The following CARD8 variants were observed in gnomAD, a reference collection of about 807,000 sequenced individuals.
The protein encoded by CARD8 is caspase recruitment domain-containing protein 8.
In CARD8, 38 loss-of-function variants were observed where a neutral mutation model predicts 53.2. The ratio of observed to expected loss-of-function variants is 0.71; its 90% CI spans 0.55 to 0.94. The LOEUF is 0.94. CARD8 is among the 40% of genes least tolerant of loss of function. The pLI, the probability that CARD8 is intolerant of heterozygous loss-of-function variation, is 0.00. For missense variants in CARD8, 561 were observed against 655.5 expected (o/e 0.86, Z 1.57); for synonymous variants, 245 against 244.9 (o/e 1.00, Z 0.00).
chr19:48,254,424 T>C (rs746421638), intron 1 of CARD8, among the ~76,000 whole-genome samples: 8 of 152,062 alleles, frequency 5.3e-5, no homozygotes, highest in Non-Finnish European at 1.2e-4. Context: ...CAGAACACAA[T>C]GACATTGGAA....
At chr19:48,225,983 A>AAG (rs2041695452) in intron 10 of CARD8, among the ~76,000 whole-genome samples, 1 of 148,380 alleles carries the variant, frequency 6.7e-6, no homozygotes, top group African/African-American at 2.5e-5. Flanking sequence ...AACCTGGGAG[A>AAG]CGGAGGTTGC....
At chr19:48,215,219 T>C (rs1600101949) in intron 13 of CARD8, 121 bp downstream of exon 13, 1 of 701,416 alleles carries the variant, frequency 1.4e-6, no homozygotes, top group East Asian at 2.8e-5. Flanking sequence ...GCTGCAGACC[T>C]ATACGGATTT....
At chr19:48,222,987 G>A (rs2040986373) in intron 10 of CARD8, among the ~76,000 whole-genome samples, 2 of 152,100 alleles carry the variant, frequency 1.3e-5, no homozygotes, top group African/African-American at 4.8e-5. Context: ...AAATTATGAA[G>A]CAATAAATTA....
intron 3 of CARD8, among the ~76,000 whole-genome samples, chr19:48,242,185 G>A (rs949926248): frequency 2.0e-5 from 3 of 152,128 alleles, no homozygotes; most frequent in African/African-American, 7.2e-5. Context: ...GAGGTGATGA[G>A]GTCATGAGGG....
At position 48,230,462 on chromosome 19, in the gene CARD8, G is replaced by A. The variant is rs755689174; in HGVS notation, c.1011C>T (p.Val337=). The part of the protein sequence containing the change: ...PEDIKFHLYL[V]PSDALLTKAI... ...CCTTTGTTAGCAAGGCGTCGCTGGG[G>A]ACAAGGTACAAGTGGAACTTAATAT... is the stretch of plus-strand genomic sequence containing the variant. Residue 337 remains valine, a synonymous_variant, in exon 10 of 14, where the codon GTC becomes GTT. Transcript: ENST00000651546. 1.9e-6 allele frequency: 3 copies of A among 1,611,118 alleles called. No individual in the cohort carries two copies. Among genetic ancestry groups the A allele is most frequent in the Non-Finnish European group, 2.5e-6 (3 of 1,178,088 alleles).
chr19:48,206,498 G>C, downstream of CARD8: 1 of 461,742 alleles, frequency 2.2e-6, no homozygotes, highest in Non-Finnish European at 4.4e-6. Context: ...AGATTGGGCA[G>C]CATCCAGGCC....
chr19:48,232,977 T>C (rs553821525), intron 6 of CARD8: 11 of 358,974 alleles, frequency 3.1e-5, no homozygotes, highest in Middle Eastern at 2.0e-3. Flanking sequence ...ATTGGTATCA[T>C]ACGATGTCGG....
At position 48,226,053 on chromosome 19, in the gene CARD8, C is replaced by CAAA. The variant is rs35050640; in HGVS notation, c.1036-4201_1036-4199dup. Among the ~76,000 whole-genome samples the CAAA allele has an allele frequency of 1.2e-3, 97 of 78,418 alleles. 3 individuals carry two copies. Among genetic ancestry groups the CAAA allele is most frequent in the Admixed American group, 3.6e-3 (26 of 7,174 alleles). 51.4% of individuals were successfully genotyped at this position (78,418 alleles called of 152,430 possible). On this transcript the variant is annotated intron_variant, in intron 10 of 13. Transcript: ENST00000651546. ...TGGGGGACACAGCAAGACTCCGTCT[C>CAAA]AAAAAAAAAAAAAAAAAAAGCCATG... is the stretch of plus-strand genomic sequence containing the variant.
At chr19:48,207,724 T>TTTTTC, downstream of CARD8, among the ~76,000 whole-genome samples, 6 of 119,278 alleles carry the variant, frequency 5.0e-5, no homozygotes, top group Non-Finnish European at 8.7e-5. Context: ...TTTTTTATTG[T>TTTTTC]TGTTTTTCTG....
chr19:48,244,206 T>C (rs1179100841), intron 3 of CARD8, among the ~76,000 whole-genome samples: 1 of 152,096 alleles, frequency 6.6e-6, no homozygotes, highest in Non-Finnish European at 1.5e-5. Context: ...AAGGCAAGAA[T>C]TGTAAAATTC....
Position 48,209,190 on chromosome 19 carries a change from T to A in CARD8, c.*2520A>T, listed in dbSNP as rs4802443. Reference sequence around the variant, plus strand: ...TGCATGCCTGTAATCCCAGCTACTCTGGAGGCTGAGGCACAATAATCGCTT... The same window carrying A: ...TGCATGCCTGTAATCCCAGCTACTCAGGAGGCTGAGGCACAATAATCGCTT... On this transcript the variant is annotated 3_prime_UTR_variant, in exon 14 of 14. Coordinates refer to ENST00000651546, the MANE Select transcript of CARD8 (RefSeq NM_001184900.3). The A allele has an allele frequency of 0.82, 123,131 of 150,930 alleles. 51,160 individuals carry two copies. The highest frequency in any genetic ancestry group is 0.91 in the South Asian group (4,361 of 4,786). 9.3% of individuals were successfully genotyped at this position (150,930 alleles called of 1,614,324 possible).
chr19:48,238,152 G>C, intron 5 of CARD8: 1 of 597,692 alleles, frequency 1.7e-6, no homozygotes. Flanking sequence ...TCGCCTCCCA[G>C]TGTGCTGAGA....
At position 48,232,896 on chromosome 19, in the gene CARD8, T is replaced by C. The variant is rs189214229; in HGVS notation, c.351-403A>G. The C allele has an allele frequency of 8.6e-4, 357 of 415,018 alleles. 2 individuals are homozygous for C. Among genetic ancestry groups the C allele is most frequent in the South Asian group, 5.3e-3 (295 of 55,310 alleles). 25.7% of individuals were successfully genotyped at this position (415,018 alleles called of 1,614,324 possible). A position where few individuals can be genotyped will look rare whatever the true frequency, so the allele number is the denominator to read the frequency against. ...CCAAATGTGTCTTGACATCTCTCCT[T>C]CTTCTCTTTGTATTATGCCCACGTT... On this transcript the variant is annotated intron_variant, in intron 6 of 13. Transcript: ENST00000651546.
rs2037495007 is a variant in CARD8 at position 48,208,150 on chromosome 19, T to C, written c.*3560A>G. 6.6e-6 allele frequency: 1 copy of C among 152,204 alleles called. No homozygotes were observed. The highest frequency in any genetic ancestry group is 6.6e-5 in the Admixed American group (1 of 15,266). 9.4% of individuals were successfully genotyped at this position (152,204 alleles called of 1,614,324 possible). A position where few individuals can be genotyped will look rare whatever the true frequency, so the allele number is the denominator to read the frequency against. On this transcript the variant is annotated 3_prime_UTR_variant, in exon 14 of 14. Transcript: ENST00000651546. ...TATTTTTGTAAATTTATGAAGTACA[T>C]TCTTCAAATGTAACAATTTAGTTCT...
At chr19:48,205,123 G>A (rs12984955), downstream of CARD8, among the ~76,000 whole-genome samples, 2,827 of 152,256 alleles carry the variant, frequency 0.019, 45 homozygotes, top group Middle Eastern at 0.061. Context: ...AGGAAAAGTC[G>A]GAGTGTTGAA....
intron 5 of CARD8, among the ~76,000 whole-genome samples, chr19:48,236,150 G>A (rs1001397166): frequency 4.6e-5 from 7 of 152,214 alleles, no homozygotes; most frequent in African/African-American, 1.7e-4. Flanking sequence ...AACCTCTGCT[G>A]TAGTCCAGTT....
In CARD8 at chr19:48,211,933, C is replaced by A. The variant is rs1413699040; in HGVS notation, c.1391G>T (p.Arg464Met). 1.2e-6 allele frequency: 2 copies of A among 1,614,136 alleles called. No homozygotes were observed. Among genetic ancestry groups the A allele is most frequent in the East Asian group, 2.2e-5 (1 of 44,880 alleles). The change falls in exon 14 of 14, where the codon AGG becomes ATG. Residue 464 changes from arginine (R) to methionine (M), a missense_variant. Physicochemically the swap from Arg to Met is moderately conservative, Grantham distance 91 (BLOSUM62 -1). Coordinates refer to ENST00000651546, the MANE Select transcript of CARD8 (RefSeq NM_001184900.3). The part of the protein sequence containing the change: ...VKENHRQLQA[R>M]MGDLKGVLDD... The stretch of plus-strand genomic sequence containing the variant: ...GAGCACCCCTTTCAGGTCCCCCATC[C>A]TGGCTTGGAGTTGCCGGTGGTTCTC...
chr19:48,248,019 T>C (rs1033517945), intron 3 of CARD8, among the ~76,000 whole-genome samples: 1 of 152,216 alleles, frequency 6.6e-6, no homozygotes, highest in Non-Finnish European at 1.5e-5. Flanking sequence ...CGGTTTACTT[T>C]TATTTTAGAA....
rs774740059 is a variant in CARD8 at position 48,230,455 on chromosome 19, C to T, written c.1018G>A (p.Asp340Asn). The T allele has an allele frequency of 9.3e-6, 15 of 1,607,750 alleles. No homozygotes were observed. Among genetic ancestry groups the T allele is most frequent in the Admixed American group, 5.0e-5 (3 of 59,426 alleles). The change falls in exon 10 of 14, where the codon GAC becomes AAC. Residue 340 changes from aspartate (D) to asparagine (N), a missense_variant. Physicochemically the swap from Asp to Asn is conservative, Grantham distance 23 (BLOSUM62 1). Transcript: ENST00000651546. ...IKFHLYLVPS[D>N]ALLTKAIDDE... is the part of the protein sequence containing the mutation. ...CAGCTTACCTTTGTTAGCAAGGCGT[C>T]GCTGGGGACAAGGTACAAGTGGAAC...
Sources: allele counts gnomAD v4.1 joint callset (sites outside exome capture counted in the v4.1 genomes callset), GRCh38; gene constraint gnomAD v4.1.1; transcripts MANE v1.5; gene names NCBI Gene and HGNC (gene_info 2026-07-23, HGNC 2026-07-21).